TMEM117: variants seen among roughly 807,000 people sequenced by gnomAD.
TMEM117 encodes the protein transmembrane protein 117.
TMEM117 carries 27 observed loss-of-function variants against 52.4 expected under a neutral mutation model. That is an observed-to-expected ratio of 0.51 (90% CI 0.38 to 0.71). The LOEUF is 0.71. Among genes scored for constraint, TMEM117 ranks in the 30% least tolerant of loss-of-function variants. The pLI is 0.00. For missense variants in TMEM117, 556 were observed against 630.5 expected (o/e 0.88, Z 1.26); for synonymous variants, 215 against 206.3 (o/e 1.04, Z -0.36).
intron 4 of TMEM117, among the ~76,000 whole-genome samples, chr12:44,188,106 CA>C (rs1337128052): frequency 6.6e-6 from 1 of 152,092 alleles, no homozygotes; most frequent in Non-Finnish European, 1.5e-5. Flanking sequence ...GGCATAAACA[CA>C]AGACTTAAAG....
intron 6 of TMEM117, among the ~76,000 whole-genome samples, chr12:44,359,725 G>C (rs1327212573): frequency 6.6e-6 from 1 of 151,810 alleles, no homozygotes; most frequent in Non-Finnish European, 1.5e-5. Flanking sequence ...GGATATGTAA[G>C]TACATTTAAA....
chr12:44,214,824 G>A (rs1949695256), intron 5 of TMEM117, among the ~76,000 whole-genome samples: 1 of 152,088 alleles, frequency 6.6e-6, no homozygotes, highest in Non-Finnish European at 1.5e-5. Flanking sequence ...TGTAAAAAAG[G>A]AAAAGCTGAT....
intron 2 of TMEM117, among the ~76,000 whole-genome samples, chr12:43,912,830 A>G (rs1944537079): frequency 6.6e-6 from 1 of 152,130 alleles, no homozygotes; most frequent in Non-Finnish European, 1.5e-5. Context: ...TTATCCAAAA[A>G]TAAACTACAC....
intron 5 of TMEM117, among the ~76,000 whole-genome samples, chr12:44,243,401 C>G (rs185202642): frequency 9.8e-4 from 149 of 151,760 alleles, no homozygotes; most frequent in African/African-American, 3.5e-3. Flanking sequence ...AGAGTTTACA[C>G]ACTCCTGAAA....
rs573874571 is a variant in TMEM117 at position 44,242,220 on chromosome 12, G to C, written c.608+30833G>C. On this transcript the variant is annotated intron_variant, in intron 5 of 7. Transcript: ENST00000266534. ...TCATGTCATGGGGGTTTGTTGTACA[G>C]ATTTTTTCATCACCCAGGTATTAAG... Among the ~76,000 whole-genome samples the C allele has an allele frequency of 1.3e-4, 19 of 151,580 alleles. No homozygotes were observed. The East Asian group carries it at 3.5e-3, about 28-fold the overall frequency.
intron 2 of TMEM117, among the ~76,000 whole-genome samples, chr12:43,907,196 CT>C (rs1272125115): frequency 1.3e-5 from 2 of 152,200 alleles, no homozygotes; most frequent in Non-Finnish European, 2.9e-5. Context: ...CCCCTGACCC[CT>C]GAGCAGCCTA....
At chr12:43,839,175 C>T (rs550968603) in intron 1 of TMEM117, among the ~76,000 whole-genome samples, 159 of 152,240 alleles carry the variant, frequency 1.0e-3, no homozygotes, top group Non-Finnish European at 1.8e-3. Flanking sequence ...GCATCTTTGG[C>T]AACGGCTTCC....
intron 3 of TMEM117, among the ~76,000 whole-genome samples, chr12:44,115,159 A>G (rs1948117732): frequency 6.6e-6 from 1 of 152,214 alleles, no homozygotes; most frequent in African/African-American, 2.4e-5. Flanking sequence ...TTGAATAAAG[A>G]CAGAGCTGCA....
intron 2 of TMEM117, among the ~76,000 whole-genome samples, chr12:43,904,092 T>C (rs1944346526): frequency 6.6e-6 from 1 of 152,200 alleles, no homozygotes; most frequent in Non-Finnish European, 1.5e-5. Context: ...TTTTCTAAGA[T>C]CAGTTTGCAT....
chr12:43,947,161 T>C (rs1268874149), intron 3 of TMEM117, among the ~76,000 whole-genome samples: 1 of 151,990 alleles, frequency 6.6e-6, no homozygotes, highest in Non-Finnish European at 1.5e-5. Flanking sequence ...GAGTGAGACT[T>C]TGTCTCTTAC....
At chr12:44,309,483 G>T (rs1950945564) in intron 6 of TMEM117, among the ~76,000 whole-genome samples, 1 of 152,114 alleles carries the variant, frequency 6.6e-6, no homozygotes, top group Non-Finnish European at 1.5e-5. Context: ...ACAGTGAAAT[G>T]AGGAACAAGC....
chr12:44,037,775 G>A (rs1297457239), intron 3 of TMEM117, among the ~76,000 whole-genome samples: 1 of 152,036 alleles, frequency 6.6e-6, no homozygotes, highest in Non-Finnish European at 1.5e-5. Flanking sequence ...CCCACTCCAG[G>A]GTCTCTTCTC....
chr12:43,913,071 A>G (rs568185479), intron 2 of TMEM117, among the ~76,000 whole-genome samples: 1 of 152,326 alleles, frequency 6.6e-6, no homozygotes, highest in Admixed American at 6.5e-5. Context: ...CATTAGGGCT[A>G]CCAATCCTTT....
At chr12:43,867,821 G>T (rs546403134) in intron 2 of TMEM117, among the ~76,000 whole-genome samples, 1 of 152,072 alleles carries the variant, frequency 6.6e-6, no homozygotes, top group African/African-American at 2.4e-5. Context: ...AGGCATAATC[G>T]TAGGTAGATA....
At chr12:44,340,173 CTG>C (rs1951398269) in intron 6 of TMEM117, among the ~76,000 whole-genome samples, 2 of 152,064 alleles carry the variant, frequency 1.3e-5, no homozygotes, top group Non-Finnish European at 2.9e-5. Flanking sequence ...GGCTAGGCGT[CTG>C]TGAAAAACAA....
intron 3 of TMEM117, among the ~76,000 whole-genome samples, chr12:44,126,736 C>G (rs1454577999): frequency 6.6e-6 from 1 of 152,132 alleles, no homozygotes; most frequent in East Asian, 1.9e-4. Flanking sequence ...TAAACATGAC[C>G]TCTATTCTCA....
Position 44,145,683 on chromosome 12 carries a change from T to G in TMEM117, c.510+2059T>G, listed in dbSNP as rs373367430. On this transcript the variant is annotated intron_variant, in intron 4 of 7. Coordinates refer to ENST00000266534, the MANE Select transcript of TMEM117 (RefSeq NM_032256.3). ...GCCTAGACTTCCTGAGCCCCATAAG[T>G]GTGAGCAGCCCACCTTATCCCAGGC... Among the ~76,000 whole-genome samples, 4 of 152,258 alleles carry G rather than the reference T, an allele frequency of 2.6e-5. No homozygotes were observed. In the East Asian group the frequency reaches 7.7e-4, roughly 29 times the overall value.
At chr12:44,198,255 A>G (rs1434832327) in intron 4 of TMEM117, among the ~76,000 whole-genome samples, 1 of 152,202 alleles carries the variant, frequency 6.6e-6, no homozygotes, top group Non-Finnish European at 1.5e-5. Flanking sequence ...TGGTAAAACT[A>G]CATACATACA....
intron 3 of TMEM117, among the ~76,000 whole-genome samples, chr12:43,980,966 G>A (rs890108954): frequency 6.6e-6 from 1 of 152,146 alleles, no homozygotes; most frequent in Admixed American, 6.5e-5. Context: ...GGTTTCTGGA[G>A]ACAGGAGTAA....
Sources: allele counts gnomAD v4.1 joint callset (sites outside exome capture counted in the v4.1 genomes callset), GRCh38; gene constraint gnomAD v4.1.1; transcripts MANE v1.5; gene names NCBI Gene and HGNC (gene_info 2026-07-23, HGNC 2026-07-21).